IGDCC4: variants seen among roughly 807,000 people sequenced by gnomAD.
IGDCC4 encodes the protein likely ortholog of mouse neighbor of Punc E11.
In IGDCC4, 72 loss-of-function variants were observed where a neutral mutation model predicts 116.6. That is an observed-to-expected ratio of 0.62 (90% confidence interval 0.51 to 0.75). The LOEUF is 0.75. IGDCC4 is among the 30% of genes least tolerant of loss of function. IGDCC4 has a pLI of 0.00. For missense variants in IGDCC4, 1,501 were observed against 1,662.4 expected (o/e 0.90, Z 1.69); for synonymous variants, 709 against 719.9 (o/e 0.98, Z 0.24).
intron 16 of IGDCC4, among the ~76,000 whole-genome samples, chr15:65,387,338 T>C (rs182297407): frequency 2.6e-5 from 4 of 151,436 alleles, no homozygotes; most frequent in African/African-American, 7.3e-5. Flanking sequence ...GCCCGACCTC[T>C]AGCTTTTTTT....
intron 5 of IGDCC4, 89 bp downstream of exon 5, chr15:65,400,717 G>C: frequency 6.8e-7 from 1 of 1,476,840 alleles, no homozygotes; most frequent in South Asian, 1.3e-5. Context: ...CCACTGGGTC[G>C]TCACCCATAC....
chr15:65,388,018 G>A (rs191335471), intron 16 of IGDCC4, among the ~76,000 whole-genome samples: 165 of 152,158 alleles, frequency 1.1e-3, no homozygotes, highest in African/African-American at 3.8e-3. Context: ...GGCCAAGGTA[G>A]GCAGATCACG....
intron 14 of IGDCC4, 81 bp from the exon 15 acceptor site, chr15:65,389,059 T>TTAATGGA (rs1251196452): frequency 3.2e-5 from 35 of 1,108,948 alleles, no homozygotes; most frequent in Non-Finnish European, 4.3e-5. Flanking sequence ...TTCTTCCTCC[T>TTAATGGA]TCATGGAACA....
At chr15:65,392,536 C>A (rs569744802) in intron 10 of IGDCC4, among the ~76,000 whole-genome samples, 166 bp from the exon 11 acceptor site, 1 of 152,340 alleles carries the variant, frequency 6.6e-6, no homozygotes, top group Admixed American at 6.5e-5. Flanking sequence ...CACTCAGCCA[C>A]CACTCTAAGT....
At position 65,390,163 on chromosome 15, in the gene IGDCC4, A is replaced by G; in HGVS notation, c.2400T>C (p.Tyr800=). ...AAGGCATTAGTCCCCACCTGGTGTA[A>G]TAGGTGACCAGGGAGGCATTCCTGA... is the stretch of plus-strand genomic sequence containing the variant. ...WGLRNASLVT[Y]YTSSGEDILI... is the part of the protein sequence containing the mutation. The change falls in exon 13 of 20, where the codon TAT becomes TAC. Residue 800 remains tyrosine (Y), a synonymous_variant. Coordinates refer to ENST00000352385, the MANE Select transcript of IGDCC4 (RefSeq NM_020962.3). 6.3e-7 allele frequency: 1 copy of G among 1,587,452 alleles called. No homozygotes were observed. The highest frequency in any genetic ancestry group is 1.1e-5 in the South Asian group (1 of 89,002).
chr15:65,386,560 C>G lies in IGDCC4; in HGVS notation c.2942G>C (p.Ser981Thr). ...TGGCTCCCCTGCTCACCTGTGGGGG[C>G]TGCGGCGCAGGCCAGCACACATGCA... ...LACMCAGLRR[S>T]PHRESLPGLS... is the part of the protein sequence containing the mutation. Residue 981 changes from serine (S) to threonine (T), a missense_variant, in exon 17 of 20, where the codon AGC (serine) becomes ACC (threonine). By Grantham distance (58) the Ser-to-Thr change is moderately conservative. Transcript: ENST00000352385. The G allele has an allele frequency of 6.2e-7, 1 of 1,601,742 alleles. No homozygotes were observed.
At chr15:65,418,828 G>C (rs1477253453) in intron 1 of IGDCC4, among the ~76,000 whole-genome samples, 2 of 152,122 alleles carry the variant, frequency 1.3e-5, no homozygotes, top group African/African-American at 4.8e-5. Flanking sequence ...GAGGTGGGGG[G>C]GGTTAAGTGG....
chr15:65,413,714 T>C (rs575188001), intron 1 of IGDCC4, among the ~76,000 whole-genome samples: 166 of 152,342 alleles, frequency 1.1e-3, no homozygotes, highest in African/African-American at 3.8e-3. Context: ...GAATGGCATG[T>C]CTGAGAGGAA....
chr15:65,384,290 G>A lies in IGDCC4; in HGVS notation c.3472C>T (p.Pro1158Ser). ...AGATCAGGAGCCTCTGGAGGCAGGG[G>A]GTCCTCAGGCTCCAGGTCTTGGAGA... The part of the protein sequence containing the change: ...LHLQDLEPED[P>S]LPPEAPDLIS... Residue 1158 changes from proline to serine, a missense_variant, in exon 20 of 20, where the codon CCC becomes TCC. Physicochemically the swap from Pro to Ser is moderately conservative, Grantham distance 74. This residue lies in a region of IGDCC4 where 368 missense variants were observed against 355.6 expected (regional missense o/e 1.03). Coordinates refer to ENST00000352385, the MANE Select transcript of IGDCC4 (RefSeq NM_020962.3). The surrounding 1 kb of genome is among the most constrained non-coding windows in gnomAD (Gnocchi z 4.9). The A allele has an allele frequency of 6.2e-7, 1 of 1,607,864 alleles. No homozygotes were observed. The highest frequency in any genetic ancestry group is 1.3e-5 in the African/African-American group (1 of 74,842).
intron 11 of IGDCC4, 68 bp from the exon 12 acceptor site, chr15:65,392,049 A>G: frequency 1.9e-6 from 3 of 1,538,756 alleles, no homozygotes; most frequent in South Asian, 1.2e-5. Context: ...CACAGAGAGC[A>G]TCCCATCTCT....
Position 65,388,541 on chromosome 15 carries a change from C to G in IGDCC4, c.2753G>C (p.Arg918Pro), listed in dbSNP as rs202023951. Residue 918 changes from arginine to proline, a missense_variant, in exon 16 of 20, where the codon CGG becomes CCG. Transcript: ENST00000352385. ...GCGCGCCCCCATCTTGAAGAAGTAC[C>G]GAGTGTCGCTCTCCAGGCCATGGAC... ...AEVHGLESDT[R>P]YFFKMGARTE... 1 of 1,614,114 alleles carries G rather than the reference C, an allele frequency of 6.2e-7. No homozygotes were observed. Among genetic ancestry groups the G allele is most frequent in the South Asian group, 1.1e-5 (1 of 91,084 alleles).
chr15:65,402,765 G>A (rs1384889007), intron 3 of IGDCC4, among the ~76,000 whole-genome samples: 3 of 152,176 alleles, frequency 2.0e-5, no homozygotes, highest in Non-Finnish European at 2.9e-5. Context: ...TACTCCGGAG[G>A]CTGAGGCAGG....
In IGDCC4 at chr15:65,389,431, G is replaced by T; in HGVS notation, c.2409-20C>A. ...CCAGAACTGCTAAGGCAAGAAACGT[G>T]ACTAGTGCTCTCAGGCACACTCTCC... On this transcript the variant is annotated intron_variant, in intron 13 of 19. Transcript: ENST00000352385. 2 of 1,614,120 alleles carry T rather than the reference G, an allele frequency of 1.2e-6. No homozygotes were observed. The highest frequency in any genetic ancestry group is 2.2e-5 in the South Asian group (2 of 91,064).
At chr15:65,421,638 T>C (rs1313050300) in intron 1 of IGDCC4, among the ~76,000 whole-genome samples, 1 of 151,472 alleles carries the variant, frequency 6.6e-6, no homozygotes, top group Non-Finnish European at 1.5e-5. Context: ...GCTGAGTCTC[T>C]CTGGAAAGCC....
intron 7 of IGDCC4, 56 bp from the exon 8 acceptor site, chr15:65,395,314 G>T (rs2062912949): frequency 6.5e-7 from 1 of 1,549,370 alleles, no homozygotes; most frequent in Admixed American, 1.7e-5. Flanking sequence ...GTGCTGGCTA[G>T]CTGGAGTCTG....
intron 3 of IGDCC4, among the ~76,000 whole-genome samples, chr15:65,409,349 G>A (rs1296844721): frequency 2.6e-5 from 4 of 152,324 alleles, no homozygotes; most frequent in East Asian, 3.9e-4. Flanking sequence ...CCACCAGGAC[G>A]GGAGAAGGAT....
chr15:65,405,646 GGTGTAACCCA>G (rs2063034122), intron 3 of IGDCC4, among the ~76,000 whole-genome samples: 11 of 152,092 alleles, frequency 7.2e-5, no homozygotes, highest in Non-Finnish European at 1.6e-4. Context: ...TGTTTACAAT[GGTGTAACCCA>G]TATACGTATT....
At position 65,392,263 on chromosome 15, in the gene IGDCC4, A is replaced by G; in HGVS notation, c.1993T>C (p.Trp665Arg). 1 of 1,610,224 alleles carries G rather than the reference A, an allele frequency of 6.2e-7. No homozygotes were observed. The highest frequency in any genetic ancestry group is 8.5e-7 in the Non-Finnish European group (1 of 1,178,054). Reference protein sequence around the residue: ...PTQISGYKLYWREVGAEEEAN... With the variant: ...PTQISGYKLYRREVGAEEEAN... ...TCCTCCTCAGCCCCCACCTCCCGCCAATATAGTTTGTAGCCAGAGATCTGG... is the reference window on the plus strand; with the variant it reads ...TCCTCCTCAGCCCCCACCTCCCGCCGATATAGTTTGTAGCCAGAGATCTGG... The change falls in exon 11 of 20, where the codon TGG becomes CGG. Residue 665 changes from tryptophan to arginine, a missense_variant. Transcript: ENST00000352385.
At chr15:65,394,591 T>C (rs1023528206) in intron 8 of IGDCC4, 43 bp from the exon 9 acceptor site, 5 of 1,541,284 alleles carry the variant, frequency 3.2e-6, no homozygotes, top group Admixed American at 1.9e-5. Flanking sequence ...TCCACCGACG[T>C]GGAAGGTGAG....
Sources: gnomAD v4.1 joint callset for allele counts (sites outside exome capture counted in the v4.1 genomes callset) on GRCh38, gnomAD v4.1.1 for gene constraint, gnomAD v4.1.1 regional missense constraint, Gnocchi (gnomAD v3.1) non-coding constraint, MANE v1.5 for transcripts, NCBI Gene and HGNC (gene_info 2026-07-23, HGNC 2026-07-21) for gene names.